Variants in ATG7 observed in about 807,000 individuals in gnomAD.
ATG7 encodes the protein ubiquitin-like modifier-activating enzyme ATG7.
ATG7 carries 70 observed loss-of-function variants against 82.4 expected under a neutral mutation model. That is an observed-to-expected ratio of 0.85 (90% CI 0.70 to 1.04). The LOEUF (loss-of-function observed/expected upper bound fraction) is 1.04. Among genes scored for constraint, ATG7 ranks in the 50% least tolerant of loss-of-function variants. ATG7 has a pLI of 0.00. For synonymous variants in ATG7, 287 were observed against 313.0 expected, an observed-to-expected ratio of 0.92 and a Z score of 0.88; for missense variants, 792 against 864.3, an observed-to-expected ratio of 0.92 and a Z score of 1.05.
In ATG7 at chr3:11,313,403, A is replaced by G; in HGVS notation, c.511A>G (p.Arg171Gly). Residue 171 changes from arginine to glycine, a missense_variant, in exon 8 of 21, where the codon AGG becomes GGG. Transcript: ENST00000693202. Reference protein sequence around the residue: ...LIQGPVGLDQRFSLKQIEALE... With the variant: ...LIQGPVGLDQGFSLKQIEALE... ...TCAGGGGCCAGTGGGTTTGGATCAA[A>G]GGTTTTCACTAAAACAGGTATCAAC... The G allele has an allele frequency of 6.2e-7, 1 of 1,610,788 alleles. No homozygotes were observed. The highest frequency in any genetic ancestry group is 8.5e-7 in the Non-Finnish European group (1 of 1,177,948).
At chr3:11,426,095 G>C (rs547315386) in intron 19 of ATG7, among the ~76,000 whole-genome samples, 1 of 152,162 alleles carries the variant, frequency 6.6e-6, no homozygotes, top group South Asian at 2.1e-4. Context: ...TGTGTCTTCT[G>C]GTGCACATAT....
chr3:11,467,667 C>T (rs1369812846), intron 20 of ATG7, among the ~76,000 whole-genome samples: 1 of 152,128 alleles, frequency 6.6e-6, no homozygotes, highest in African/African-American at 2.4e-5. Flanking sequence ...TGAGCCAATG[C>T]GCCTGGCCCT....
At chr3:11,514,179 G>C (rs1341245579) in intron 20 of ATG7, among the ~76,000 whole-genome samples, 1 of 152,164 alleles carries the variant, frequency 6.6e-6, no homozygotes, top group Non-Finnish European at 1.5e-5. Flanking sequence ...GGCTCAAAAA[G>C]ATGAAGTAAG....
intron 19 of ATG7, among the ~76,000 whole-genome samples, chr3:11,402,542 TG>T (rs1478207339): frequency 6.6e-6 from 1 of 152,214 alleles, no homozygotes; most frequent in Admixed American, 6.5e-5. Context: ...AACATGGCTG[TG>T]GATTTGACCT....
intron 20 of ATG7, among the ~76,000 whole-genome samples, chr3:11,453,245 C>T (rs2085371471): frequency 1.3e-5 from 2 of 152,176 alleles, no homozygotes; most frequent in Non-Finnish European, 1.5e-5. Context: ...CACTGAATGT[C>T]CTGAAAGTGT....
chr3:11,466,852 G>C (rs9812885), intron 20 of ATG7, among the ~76,000 whole-genome samples: 76,911 of 152,018 alleles, frequency 0.51, 20,326 homozygotes, highest in East Asian at 0.67. Context: ...TGATGGAGCT[G>C]GGCATGGTGG....
At chr3:11,558,837 A>G (rs546700067), downstream of ATG7, 25 of 1,609,108 alleles carry the variant, frequency 1.6e-5, no homozygotes, top group African/African-American at 3.2e-4. Context: ...GCTGCAGGCA[A>G]GCAGGAAGGC....
chr3:11,442,508 A>G (rs1473168595), intron 20 of ATG7, among the ~76,000 whole-genome samples: 1 of 152,128 alleles, frequency 6.6e-6, no homozygotes, highest in African/African-American at 2.4e-5. Context: ...AACTTTAAAC[A>G]ATCATTAGCC....
chr3:11,275,706 C>G lies in ATG7; in HGVS notation c.-366+3276C>G, dbSNP rs951564184. Among the ~76,000 whole-genome samples, 4 of 152,038 alleles carry G rather than the reference C, an allele frequency of 2.6e-5. No homozygotes were observed. In the South Asian group the frequency reaches 8.3e-4, roughly 32 times the overall value. ...CACCCTTCTCCAGTGCGATTAAGGC[C>G]TGATTGTATAATCAAGGGACAATAA... is the stretch of plus-strand genomic sequence containing the variant. On this transcript the variant is annotated intron_variant, in intron 1 of 20. Transcript: ENST00000693202.
At chr3:11,574,619 C>G in the ATG7 span, among the ~76,000 whole-genome samples, 1 of 152,208 alleles carries the variant, frequency 6.6e-6, no homozygotes, top group Admixed American at 6.5e-5. Flanking sequence ...CAATAATACA[C>G]TACACAGTTT....
chr3:11,462,032 A>G (rs375086614), intron 20 of ATG7, among the ~76,000 whole-genome samples: 11 of 149,950 alleles, frequency 7.3e-5, no homozygotes, highest in African/African-American at 2.7e-4. Context: ...CTCTGTCTCC[A>G]AAAAAAAAGA....
rs749205737 is a variant in ATG7, at chr3:11,300,964, G to GA, written c.215+1549dup. Among the ~76,000 whole-genome samples the GA allele has an allele frequency of 1.8e-4, 28 of 152,140 alleles. 3 individuals carry two copies. The highest frequency in any genetic ancestry group is 1.5e-3 in the Admixed American group (23 of 15,274). ...TATGATATTTTTTTCAATTTATGAT[G>GA]AGTTTATCAGGACATGGTAAGTTGA... On this transcript the variant is annotated intron_variant, in intron 5 of 20. Transcript: ENST00000693202.
At chr3:11,337,789 T>C (rs1261022910) in intron 11 of ATG7, among the ~76,000 whole-genome samples, 2 of 152,028 alleles carry the variant, frequency 1.3e-5, no homozygotes, top group Non-Finnish European at 2.9e-5. Flanking sequence ...GAGCCCAGCA[T>C]CTGTAACCTT....
At position 11,444,721 on chromosome 3, in the gene ATG7, G is replaced by A. The variant is rs565153523; in HGVS notation, c.2079+17795G>A. Among the ~76,000 whole-genome samples, 3 of 152,230 alleles carry A rather than the reference G, an allele frequency of 2.0e-5. No individual in the cohort carries two copies. The East Asian group carries it at 5.8e-4, about 29-fold the overall frequency. On this transcript the variant is annotated intron_variant, in intron 20 of 20. Transcript: ENST00000693202. ...AACAAAAGCAAAAATTGACAAATGG[G>A]ATCTAATTAAACTAAAGAGCTTCTG... is the stretch of plus-strand genomic sequence containing the variant.
chr3:11,523,370 T>TA (rs921890270), intron 20 of ATG7, among the ~76,000 whole-genome samples: 3 of 152,380 alleles, frequency 2.0e-5, no homozygotes, highest in African/African-American at 7.2e-5. Flanking sequence ...ACCCACCGCA[T>TA]ACGGGGTACA....
At chr3:11,336,582 T>C (rs1369838061) in intron 11 of ATG7, among the ~76,000 whole-genome samples, 2 of 152,160 alleles carry the variant, frequency 1.3e-5, no homozygotes, top group Non-Finnish European at 2.9e-5. Flanking sequence ...AAACTGAAAA[T>C]ATAAGTATGG....
chr3:11,559,544 G>A (rs899433589), downstream of ATG7: 17 of 1,419,458 alleles, frequency 1.2e-5, no homozygotes, highest in South Asian at 1.6e-5. Context: ...TTCAGGCTCT[G>A]TCCTGGTGCC....
intron 19 of ATG7, among the ~76,000 whole-genome samples, chr3:11,384,076 G>C (rs563786467): frequency 8.6e-4 from 131 of 152,172 alleles, no homozygotes; most frequent in Non-Finnish European, 1.5e-3. Flanking sequence ...ATTATGACTA[G>C]TCCTTCTCTA....
In ATG7 at chr3:11,544,750, C is replaced by T. The variant is rs572596530; in HGVS notation, c.2080-10061C>T. Among the ~76,000 whole-genome samples the T allele has an allele frequency of 6.6e-5, 10 of 152,368 alleles. No individual in the cohort carries two copies. In the East Asian group the frequency reaches 1.5e-3, roughly 24 times the overall value. On this transcript the variant is annotated intron_variant, in intron 20 of 20. Coordinates refer to ENST00000693202, the MANE Select transcript of ATG7 (RefSeq NM_001349232.2). ...CAGGTATTATGGTCACACCAAAAAT[C>T]CCCCTTTCTTTTCTGCCCTATGGAA... is the stretch of plus-strand genomic sequence containing the variant.
Sources: gnomAD v4.1 joint callset for allele counts (sites outside exome capture counted in the v4.1 genomes callset) on GRCh38, gnomAD v4.1.1 for gene constraint, MANE v1.5 for transcripts, NCBI Gene and HGNC (gene_info 2026-07-23, HGNC 2026-07-21) for gene names.